KIFAP3: variants seen among roughly 807,000 people sequenced by gnomAD.
KIFAP3 encodes the protein kinesin associated protein 3.
A neutral mutation model predicts 106.5 loss-of-function variants in KIFAP3; 68 were observed. That is an observed-to-expected ratio of 0.64 (90% CI 0.53 to 0.78). The LOEUF is 0.78. KIFAP3 is among the 30% of genes least tolerant of loss of function. The pLI is 0.00. For missense variants in KIFAP3, 780 were observed against 941.8 expected, an observed-to-expected ratio of 0.83 and a Z score of 2.25; for synonymous variants, 320 against 311.5, an observed-to-expected ratio of 1.03 and a Z score of -0.29.
At chr1:170,043,305 A>G (rs996016564) in intron 3 of KIFAP3, among the ~76,000 whole-genome samples, 1 of 152,192 alleles carries the variant, frequency 6.6e-6, no homozygotes, top group African/African-American at 2.4e-5. Flanking sequence ...ACTATTAAAC[A>G]ATTGCAAATG....
intron 10 of KIFAP3, among the ~76,000 whole-genome samples, chr1:170,004,584 C>G (rs2101969616): frequency 6.6e-6 from 1 of 152,184 alleles, no homozygotes; most frequent in South Asian, 2.1e-4. Flanking sequence ...TTTGACAAAC[C>G]TGAGAAAAAC....
chr1:169,955,822 T>C (rs1395401823), intron 18 of KIFAP3, among the ~76,000 whole-genome samples: 1 of 152,120 alleles, frequency 6.6e-6, no homozygotes, highest in Admixed American at 6.5e-5. Flanking sequence ...CCAGTTTTTA[T>C]GTCCACTAGA....
rs541450083 is a variant in KIFAP3 at position 170,034,680 on chromosome 1, A to T, written c.618-184T>A. ...ATTATAAAATTACTTTAAATATATC[A>T]CACTACTCTTACCTAAAATAGTTAT... is the stretch of plus-strand genomic sequence containing the variant. On this transcript the variant is annotated intron_variant, in intron 6 of 19. Transcript: ENST00000361580. 3.3e-5 allele frequency among the ~76,000 whole-genome samples: 5 copies of T among 151,998 alleles called. No individual in the cohort carries two copies. The East Asian group carries it at 9.6e-4, about 29-fold the overall frequency.
At chr1:170,011,498 C>A (rs1377963774) in intron 10 of KIFAP3, among the ~76,000 whole-genome samples, 2 of 151,342 alleles carry the variant, frequency 1.3e-5, no homozygotes, top group African/African-American at 4.8e-5. Context: ...AAATATATAT[C>A]AAATATAATA....
At chr1:170,044,505 T>A (rs1045445358) in intron 3 of KIFAP3, among the ~76,000 whole-genome samples, 1 of 152,220 alleles carries the variant, frequency 6.6e-6, no homozygotes, top group African/African-American at 2.4e-5. Flanking sequence ...ACTGCCTTGT[T>A]ATAGGACATT....
At position 170,055,363 on chromosome 1, in the gene KIFAP3, T is replaced by C. The variant is rs192118925; in HGVS notation, c.106A>G (p.Thr36Ala). 1 of 1,611,296 alleles carries C rather than the reference T, an allele frequency of 6.2e-7. No homozygotes were observed. The highest frequency in any genetic ancestry group is 2.2e-5 in the East Asian group (1 of 44,682). The change falls in exon 2 of 20, where the codon ACC (threonine) becomes GCC (alanine). Residue 36 changes from threonine to alanine, a missense_variant. Coordinates refer to ENST00000361580, the MANE Select transcript of KIFAP3 (RefSeq NM_014970.4). ...GGGTCCCCCATTTCTCCAAGAATGG[T>C]AGCTTCCACTTCATAGTGAACAATG... Reference protein sequence around the residue: ...ALIVHYEVEATILGEMGDPML... With the variant: ...ALIVHYEVEAAILGEMGDPML...
chr1:170,060,090 C>T (rs1671058714), intron 1 of KIFAP3, among the ~76,000 whole-genome samples: 1 of 152,084 alleles, frequency 6.6e-6, no homozygotes, highest in East Asian at 1.9e-4. Flanking sequence ...GGAAGCATTC[C>T]CTTTGAAAAC....
At position 170,055,334 on chromosome 1, in the gene KIFAP3, C is replaced by A. The variant is rs746163682; in HGVS notation, c.135G>T (p.Met45Ile). ...ATILGEMGDP[M>I]LGERKECQKI... is the part of the protein sequence containing the mutation. ...TTTGACATTCTTTTCGTTCTCCCAA[C>A]ATGGGGTCCCCCATTTCTCCAAGAA... Residue 45 changes from methionine to isoleucine, a missense_variant, in exon 2 of 20, where the codon ATG (methionine) becomes ATT (isoleucine). Met to Ile is a conservative substitution (Grantham distance 10, BLOSUM62 1). Around this residue, in one of 3 missense-constraint regions of KIFAP3, gnomAD observed 588 missense variants for 678.9 expected, o/e 0.87. Transcript: ENST00000361580. 1.5e-5 allele frequency: 24 copies of A among 1,605,320 alleles called. No individual in the cohort carries two copies. The highest frequency in any genetic ancestry group is 1.9e-5 in the Non-Finnish European group (22 of 1,177,790).
At chr1:170,041,485 T>A (rs1442351452) in intron 3 of KIFAP3, among the ~76,000 whole-genome samples, 1 of 152,054 alleles carries the variant, frequency 6.6e-6, no homozygotes, top group African/African-American at 2.4e-5. Context: ...CTACAAAAAA[T>A]GTAAAAAATT....
chr1:169,969,243 A>G (rs183522786), intron 17 of KIFAP3, among the ~76,000 whole-genome samples: 15 of 152,070 alleles, frequency 9.9e-5, no homozygotes, highest in African/African-American at 3.4e-4. Context: ...TTGAGTTCTA[A>G]TGCTAACCCT....
At chr1:170,056,807 T>C (rs1004073224) in intron 1 of KIFAP3, among the ~76,000 whole-genome samples, 4 of 152,088 alleles carry the variant, frequency 2.6e-5, no homozygotes, top group African/African-American at 9.7e-5. Flanking sequence ...CACTAAAGCA[T>C]AGATTCTAGG....
rs1235680765 is a variant in KIFAP3, at chr1:170,039,311, T to A, written c.320-23A>T. ...TCTCTGTAAAAAGATTTTTTTTTAA[T>A]AAGGAGACTTAGGTTTTTAGGGTTT... On this transcript the variant is annotated intron_variant, in intron 3 of 19. Coordinates refer to ENST00000361580, the MANE Select transcript of KIFAP3 (RefSeq NM_014970.4). 2.1e-6 allele frequency: 3 copies of A among 1,402,464 alleles called. No individual in the cohort carries two copies. The African/African-American group carries it at 4.2e-5, about 20-fold the overall frequency. 86.9% of individuals were successfully genotyped at this position (1,402,464 alleles called of 1,614,324 possible).
At chr1:170,005,390 A>T (rs1667896689) in intron 10 of KIFAP3, among the ~76,000 whole-genome samples, 1 of 152,170 alleles carries the variant, frequency 6.6e-6, no homozygotes, top group Non-Finnish European at 1.5e-5. Flanking sequence ...TCATGCTGCT[A>T]TAAAGACACA....
At chr1:170,051,861 T>A (rs1478235407) in intron 2 of KIFAP3, among the ~76,000 whole-genome samples, 3 of 152,104 alleles carry the variant, frequency 2.0e-5, no homozygotes, top group Admixed American at 1.3e-4. Context: ...AGAGGGAAAT[T>A]TATAGCACTA....
intron 10 of KIFAP3, among the ~76,000 whole-genome samples, chr1:170,009,957 G>T (rs989181152): frequency 2.6e-5 from 4 of 152,098 alleles, no homozygotes; most frequent in African/African-American, 9.7e-5. Context: ...GCCAAGTTTT[G>T]TAAGTCCAAT....
Position 170,080,555 on chromosome 1 carries a change from A to G in KIFAP3, n.174+4480T>C, listed in dbSNP as rs555511166. Among the ~76,000 whole-genome samples, 43 of 152,170 alleles carry G rather than the reference A, an allele frequency of 2.8e-4. 2 individuals are homozygous for G. The highest frequency in any genetic ancestry group is 4.6e-4 in the Admixed American group (7 of 15,280). ...TATTGGCATAAGGATATACATATAC[A>G]TAGATTAATGGAAGAGAATAAAAAA... On this transcript the variant is annotated intron_variant and non_coding_transcript_variant, in intron 1 of 5. Coordinates refer to the KIFAP3 transcript ENST00000490550.
chr1:170,080,231 C>T, intron 1 of KIFAP3, among the ~76,000 whole-genome samples: 1 of 151,900 alleles, frequency 6.6e-6, no homozygotes, highest in Non-Finnish European at 1.5e-5. Flanking sequence ...GACCTATGCA[C>T]TGAAAACCAT....
intron 10 of KIFAP3, among the ~76,000 whole-genome samples, 159 bp from the exon 11 acceptor site, chr1:169,992,414 G>C (rs1202839362): frequency 1.3e-5 from 2 of 152,068 alleles, no homozygotes; most frequent in Non-Finnish European, 2.9e-5. Flanking sequence ...AAAATTTAGA[G>C]CAAGCATATT....
intron 11 of KIFAP3, among the ~76,000 whole-genome samples, chr1:169,990,707 T>C (rs907988420): frequency 2.0e-5 from 3 of 152,064 alleles, no homozygotes; most frequent in Non-Finnish European, 4.4e-5. Flanking sequence ...TCTACCCTTA[T>C]AACATACAGT....
Sources: allele counts gnomAD v4.1 joint callset (sites outside exome capture counted in the v4.1 genomes callset), GRCh38; gene constraint gnomAD v4.1.1; regional missense constraint gnomAD v4.1.1; transcripts MANE v1.5; gene names NCBI Gene and HGNC (gene_info 2026-07-23, HGNC 2026-07-21).